MLLT3: variants seen among roughly 807,000 people sequenced by gnomAD.
MLLT3 encodes MLLT3 super elongation complex subunit.
A neutral mutation model predicts 53.2 loss-of-function variants in MLLT3; 4 were observed. The ratio of observed to expected loss-of-function variants is 0.08; its 90% CI spans 0.04 to 0.17. MLLT3 has a LOEUF of 0.17. Among genes scored for constraint, MLLT3 ranks in the 10% least tolerant of loss-of-function variants. The probability of loss-of-function intolerance (pLI) is 1.00; values close to 1 mark genes in which losing one functional copy is unlikely to be tolerated. For missense variants in MLLT3, 569 were observed against 684.0 expected, an observed-to-expected ratio of 0.83 and a Z score of 1.87; for synonymous variants, 283 against 230.6, an observed-to-expected ratio of 1.23 and a Z score of -2.06.
intron 2 of MLLT3, among the ~76,000 whole-genome samples, chr9:20,540,009 C>T (rs753563009): frequency 3.9e-5 from 6 of 152,202 alleles, no homozygotes; most frequent in Non-Finnish European, 8.8e-5. Flanking sequence ...AAAGAGGCTA[C>T]AAACCCCAGG....
chr9:20,387,764 A>G (rs1822077797), intron 5 of MLLT3, among the ~76,000 whole-genome samples: 1 of 152,228 alleles, frequency 6.6e-6, no homozygotes, highest in Non-Finnish European at 1.5e-5. Flanking sequence ...CATCTTAGAA[A>G]AGGCAGTTTG....
intron 5 of MLLT3, chr9:20,382,301 T>C (rs1821926537): frequency 1.3e-5 from 2 of 151,922 alleles, no homozygotes; most frequent in African/African-American, 4.8e-5. Context: ...CCTATGAAAT[T>C]ACTACTCATA....
At chr9:20,574,753 T>C (rs1819611765) in intron 2 of MLLT3, among the ~76,000 whole-genome samples, 1 of 152,266 alleles carries the variant, frequency 6.6e-6, no homozygotes, top group Non-Finnish European at 1.5e-5. Flanking sequence ...CTTCTGGAAA[T>C]ATGACAACAA....
At chr9:20,505,154 C>T (rs1446833379) in intron 2 of MLLT3, among the ~76,000 whole-genome samples, 4 of 152,108 alleles carry the variant, frequency 2.6e-5, no homozygotes, top group Admixed American at 6.5e-5. Flanking sequence ...AAATGAGAAT[C>T]TACAGAAGTT....
intron 2 of MLLT3, among the ~76,000 whole-genome samples, chr9:20,601,315 T>C (rs1820415558): frequency 6.6e-6 from 1 of 152,228 alleles, no homozygotes; most frequent in African/African-American, 2.4e-5. Context: ...GTAGAAAGTT[T>C]ATTCTGCGTG....
intron 2 of MLLT3, among the ~76,000 whole-genome samples, chr9:20,485,750 G>GTGTGTGTGTGCA (rs1206157367): frequency 1.3e-5 from 2 of 151,412 alleles, no homozygotes; most frequent in Non-Finnish European, 2.9e-5. Context: ...ACACACGTGT[G>GTGTGTGTGTGCA]TGTGTGTGTG....
chr9:20,400,542 A>G (rs1822429176), intron 5 of MLLT3, among the ~76,000 whole-genome samples: 2 of 152,082 alleles, frequency 1.3e-5, no homozygotes, highest in Non-Finnish European at 2.9e-5. Context: ...CTCATATTAA[A>G]ATATCTATAA....
chr9:20,556,551 C>T (rs1431808731), intron 2 of MLLT3, among the ~76,000 whole-genome samples: 2 of 152,006 alleles, frequency 1.3e-5, no homozygotes, highest in African/African-American at 2.4e-5. Context: ...GCCGTGGTGG[C>T]GGGCACCTGT....
intron 4 of MLLT3, among the ~76,000 whole-genome samples, chr9:20,444,005 A>G (rs1356773052): frequency 6.6e-6 from 1 of 152,176 alleles, no homozygotes; most frequent in African/African-American, 2.4e-5. Flanking sequence ...TAGAATAATA[A>G]ATTTTAGTTC....
intron 2 of MLLT3, among the ~76,000 whole-genome samples, chr9:20,584,769 G>C (rs1819905331): frequency 6.6e-6 from 1 of 152,194 alleles, no homozygotes; most frequent in East Asian, 1.9e-4. Flanking sequence ...TACAATTCAA[G>C]TTGAGATTTG....
At chr9:20,584,171 G>A (rs533480523) in intron 2 of MLLT3, among the ~76,000 whole-genome samples, 1 of 152,310 alleles carries the variant, frequency 6.6e-6, no homozygotes, top group South Asian at 2.1e-4. Context: ...CAGTCTCTCT[G>A]CTAAAACGTA....
chr9:20,360,623 T>G (rs1336151987), intron 8 of MLLT3, 119 bp downstream of exon 8: 6 of 776,128 alleles, frequency 7.7e-6, no homozygotes, highest in Non-Finnish European at 1.3e-5. Flanking sequence ...CTCCCTCCCA[T>G]CTATTTGGCA....
At position 20,456,802 on chromosome 9, in the gene MLLT3, A is replaced by G. The variant is rs1423819408; in HGVS notation, c.194-16T>C. 1.3e-6 allele frequency: 2 copies of G among 1,520,240 alleles called. No homozygotes were observed. The highest frequency in any genetic ancestry group is 1.4e-5 in the African/African-American group (1 of 70,584). 94.2% of individuals were successfully genotyped at this position (1,520,240 alleles called of 1,614,324 possible). On this transcript the variant is annotated splice_polypyrimidine_tract_variant and intron_variant, in intron 2 of 10. Coordinates refer to ENST00000380338, the MANE Select transcript of MLLT3 (RefSeq NM_004529.4). ...TCTTTGCACACTGCAACATTAAAAA[A>G]GAAAATAGGTAAGATGAGAATAATA...
intron 2 of MLLT3, among the ~76,000 whole-genome samples, chr9:20,582,561 C>T (rs1313373766): frequency 6.6e-6 from 1 of 152,144 alleles, no homozygotes. Context: ...TTTCACCCTG[C>T]TGATAAAGAC....
At chr9:20,495,309 A>T (rs1419327058) in intron 2 of MLLT3, among the ~76,000 whole-genome samples, 4 of 151,984 alleles carry the variant, frequency 2.6e-5, no homozygotes, top group Non-Finnish European at 5.9e-5. Context: ...AAAATCTCAG[A>T]CTCCCCACTG....
intron 5 of MLLT3, among the ~76,000 whole-genome samples, chr9:20,389,649 A>AT: frequency 6.6e-6 from 1 of 152,178 alleles, no homozygotes; most frequent in Admixed American, 6.5e-5. Context: ...ATGTGGTGGC[A>AT]TGTACTTGTT....
intron 8 of MLLT3, among the ~76,000 whole-genome samples, chr9:20,356,780 C>T (rs1040816532): frequency 2.0e-5 from 3 of 152,128 alleles, no homozygotes; most frequent in African/African-American, 7.2e-5. Context: ...AACATTTGGA[C>T]GCTGAAGTCC....
chr9:20,383,594 A>G lies in MLLT3; in HGVS notation c.1126-17850T>C, dbSNP rs1034879311. ...TGACAACGCAAAGCAGTTAGGACAG[A>G]ACACTGAATAAATGATGACTAAATA... On this transcript the variant is annotated intron_variant, in intron 5 of 10. Transcript: ENST00000380338. 5.9e-5 allele frequency among the ~76,000 whole-genome samples: 9 copies of G among 151,970 alleles called. 1 individual carries two copies.
chr9:20,494,419 A>G (rs1825026418), intron 2 of MLLT3, among the ~76,000 whole-genome samples: 3 of 152,168 alleles, frequency 2.0e-5, no homozygotes, highest in Admixed American at 2.0e-4. Flanking sequence ...TAAAGGGTCA[A>G]CTTAAAATTA....
Sources: gnomAD v4.1 joint callset for allele counts (sites outside exome capture counted in the v4.1 genomes callset) on GRCh38, gnomAD v4.1.1 for gene constraint, MANE v1.5 for transcripts, NCBI Gene and HGNC (gene_info 2026-07-23, HGNC 2026-07-21) for gene names.